The following TAF4 variants were observed in gnomAD, a reference collection of about 807,000 sequenced individuals.
TAF4 encodes transcription initiation factor TFIID subunit 4.
A neutral mutation model predicts 90.3 loss-of-function variants in TAF4; 9 were observed. The ratio of observed to expected loss-of-function variants is 0.10; its 90% confidence interval spans 0.06 to 0.17. The LOEUF (loss-of-function observed/expected upper bound fraction) is 0.17, where lower values mean the gene tolerates loss of function less well. TAF4 is among the 10% of genes least tolerant of loss of function. TAF4 has a pLI of 1.00. For synonymous variants in TAF4, 818 were observed against 638.9 expected (o/e 1.28, Z -4.23); for missense variants, 1,351 against 1,370.7 (o/e 0.99, Z 0.23).
At chr20:62,035,796 C>T (rs1210285045) in intron 1 of TAF4, among the ~76,000 whole-genome samples, 1 of 151,962 alleles carries the variant, frequency 6.6e-6, no homozygotes, top group Non-Finnish European at 1.5e-5. Context: ...AAGATACTGG[C>T]CATATACAGA....
intron 3 of TAF4, 74 bp downstream of exon 3, chr20:62,012,741 C>T (rs1005124724): frequency 6.7e-7 from 1 of 1,484,372 alleles, no homozygotes; most frequent in Non-Finnish European, 8.9e-7. Context: ...ACTCCTAAGG[C>T]CTGATCTCTG....
chr20:62,002,664 A>T lies in TAF4; in HGVS notation c.2486+496T>A, dbSNP rs574434411. On this transcript the variant is annotated intron_variant, in intron 9 of 14. Transcript: ENST00000252996. ...CACCACCAAGCCTGGCTAATTTTTT[A>T]TTTTTTGTTGTTGTTGAGTAAGGTT... Among the ~76,000 whole-genome samples, 5 of 152,078 alleles carry T rather than the reference A, an allele frequency of 3.3e-5. No homozygotes were observed. In the East Asian group the frequency reaches 9.7e-4, roughly 30 times the overall value.
At chr20:62,004,850 A>G (rs1245073315) in intron 7 of TAF4, 1 of 152,352 alleles carries the variant, frequency 6.6e-6, no homozygotes, top group Non-Finnish European at 1.5e-5. Context: ...CAGAGATCCA[A>G]AACCTGGCAG....
chr20:62,024,344 T>C (rs1301645994), intron 1 of TAF4, among the ~76,000 whole-genome samples: 1 of 152,208 alleles, frequency 6.6e-6, no homozygotes, highest in African/African-American at 2.4e-5. Context: ...AGGAGAACAT[T>C]TCTCTGACCC....
Position 62,065,166 on chromosome 20 carries a change from G to C in TAF4, c.645C>G (p.Val215=). ...CGGCGGGCCCGTTGTTGACCAGGCT[G>C]ACAGCAGGTGCGGCGGCGTGGTGCG... The part of the protein sequence containing the change: ...LNSHHAAAPA[V]SLVNNGPAAL... Residue 215 remains valine (V), a synonymous_variant, in exon 1 of 15, where the codon GTC becomes GTG. Coordinates refer to ENST00000252996, the MANE Select transcript of TAF4 (RefSeq NM_003185.4). 9 of 1,215,242 alleles carry C rather than the reference G, an allele frequency of 7.4e-6. No homozygotes were observed. Among genetic ancestry groups the C allele is most frequent in the Non-Finnish European group, 9.5e-6 (9 of 951,556 alleles). 75.3% of individuals were successfully genotyped at this position (1,215,242 alleles called of 1,614,324 possible).
intron 1 of TAF4, among the ~76,000 whole-genome samples, chr20:62,053,444 C>T (rs1022313921): frequency 1.3e-5 from 2 of 152,196 alleles, no homozygotes; most frequent in African/African-American, 2.4e-5. Flanking sequence ...CAGGCAGGAG[C>T]GGCAGGGAAA....
intron 1 of TAF4, among the ~76,000 whole-genome samples, chr20:62,032,494 C>T (rs1186092004): frequency 1.3e-5 from 2 of 152,238 alleles, no homozygotes; most frequent in Admixed American, 6.5e-5. Flanking sequence ...CCACAGGCAG[C>T]GCCTGCTGTC....
At chr20:62,038,484 C>G (rs958683923) in intron 1 of TAF4, among the ~76,000 whole-genome samples, 3 of 151,828 alleles carry the variant, frequency 2.0e-5, no homozygotes, top group African/African-American at 7.3e-5. Context: ...CGCGCCCGGC[C>G]AAAAGCAATT....
At chr20:62,018,340 G>T (rs6061956) in intron 1 of TAF4, among the ~76,000 whole-genome samples, 29,679 of 152,178 alleles carry the variant, frequency 0.2, 3,672 homozygotes, top group East Asian at 0.47. Context: ...GTTTCCGAGA[G>T]GTTCTCACAG....
At chr20:61,998,434 C>T (rs1336551880) in intron 12 of TAF4, among the ~76,000 whole-genome samples, 1 of 152,172 alleles carries the variant, frequency 6.6e-6, no homozygotes, top group East Asian at 1.9e-4. Flanking sequence ...AACACATCTA[C>T]CAATCGCAGG....
chr20:62,029,486 G>GCGCGCA lies in TAF4; in HGVS notation c.1361-14780_1361-14779insTGCGCG, dbSNP rs148456376. On this transcript the variant is annotated intron_variant, in intron 1 of 14. Coordinates refer to ENST00000252996, the MANE Select transcript of TAF4 (RefSeq NM_003185.4). ...GCCCAGTGCCCACGTGCGCGCGCGC[G>GCGCGCA]CACACACACACACACACACACTCAT... Among the ~76,000 whole-genome samples the GCGCGCA allele has an allele frequency of 8.1e-4, 119 of 146,188 alleles. 1 individual carries two copies. The highest frequency in any genetic ancestry group is 3.7e-4 in the Non-Finnish European group (25 of 66,838).
intron 1 of TAF4, among the ~76,000 whole-genome samples, chr20:62,022,323 G>A (rs1259137987): frequency 6.6e-6 from 1 of 152,134 alleles, no homozygotes; most frequent in East Asian, 1.9e-4. Flanking sequence ...CCCTCTGGAA[G>A]GCCCAGAAAA....
Position 62,006,497 on chromosome 20 carries a change from G to C in TAF4, c.2223+13C>G, listed in dbSNP as rs371226254. The C allele has an allele frequency of 6.7e-7, 1 of 1,495,372 alleles. No homozygotes were observed. Among genetic ancestry groups the C allele is most frequent in the South Asian group, 1.3e-5 (1 of 77,354 alleles). 92.6% of individuals were successfully genotyped at this position (1,495,372 alleles called of 1,614,324 possible). A position where few individuals can be genotyped will look rare whatever the true frequency, so the allele number is the denominator to read the frequency against. ...GGTGGGCTGTGCAGACCAGTCAGGC[G>C]CCCCTTCCATACCAGCGGTGTGGGT... On this transcript the variant is annotated intron_variant, in intron 7 of 14. Transcript: ENST00000252996. This position sits in a 1 kb window ranked among gnomAD's most constrained non-coding sequence, Gnocchi z 7.0.
In TAF4 at chr20:62,065,226, C is replaced by A; in HGVS notation, c.585G>T (p.Ala195=). ...GPGKPAGPGA[A]QTLNGSAALL... ...GCGCGGCGCTCCCATTCAAAGTTTG[C>A]GCGGCGCCGGGGCCGGCGGGCTTGC... Residue 195 remains alanine, a synonymous_variant, in exon 1 of 15, where the codon GCG becomes GCT. Coordinates refer to ENST00000252996, the MANE Select transcript of TAF4 (RefSeq NM_003185.4). 8.8e-7 allele frequency: 1 copy of A among 1,132,644 alleles called. No homozygotes were observed. The allele number at this position is 1,132,644 out of a possible 1,614,324, so 70.2% of individuals were successfully genotyped here.
chr20:62,019,303 G>A (rs537319840), intron 1 of TAF4, among the ~76,000 whole-genome samples: 5 of 152,142 alleles, frequency 3.3e-5, no homozygotes, highest in Non-Finnish European at 7.4e-5. Flanking sequence ...CCACCCGCCC[G>A]AGTTCCCTGC....
chr20:62,006,787 AGGC>A lies in TAF4; in HGVS notation c.1975-32_1975-30del, dbSNP rs1394819552. On this transcript the variant is annotated intron_variant, in intron 6 of 14. Coordinates refer to ENST00000252996, the MANE Select transcript of TAF4 (RefSeq NM_003185.4). The surrounding 1 kb of genome is among the most constrained non-coding windows in gnomAD (Gnocchi z 7.0). ...GGTGGAAAGACAGACACGAGGGGTC[AGGC>A]GGCTGCTCATGCGTCGGTTTTCCTT... 13 of 1,446,700 alleles carry A rather than the reference AGGC, an allele frequency of 9.0e-6. No homozygotes were observed. The highest frequency in any genetic ancestry group is 1.2e-5 in the Non-Finnish European group (13 of 1,090,356). The allele number at this position is 1,446,700 out of a possible 1,614,324, so 89.6% of individuals were successfully genotyped here. A position where few individuals can be genotyped will look rare whatever the true frequency, so the allele number is the denominator to read the frequency against.
At chr20:61,990,419 T>C (rs1057219358) in intron 14 of TAF4, among the ~76,000 whole-genome samples, 2 of 152,090 alleles carry the variant, frequency 1.3e-5, no homozygotes, top group Non-Finnish European at 2.9e-5. Flanking sequence ...CTTCCCAAAG[T>C]TCCACATAAA....
intron 1 of TAF4, among the ~76,000 whole-genome samples, chr20:62,047,100 C>T (rs919277167): frequency 2.6e-5 from 4 of 152,188 alleles, no homozygotes; most frequent in Non-Finnish European, 4.4e-5. Context: ...TTAGTTCATG[C>T]TACTTGTATC....
At chr20:62,063,936 T>C (rs896851331) in intron 1 of TAF4, among the ~76,000 whole-genome samples, 1 of 152,212 alleles carries the variant, frequency 6.6e-6, no homozygotes, top group Non-Finnish European at 1.5e-5. Context: ...GCCTGGAGAC[T>C]GAAGAGGCTC....
Sources: gnomAD v4.1 joint callset for allele counts (sites outside exome capture counted in the v4.1 genomes callset) on GRCh38, gnomAD v4.1.1 for gene constraint, Gnocchi (gnomAD v3.1) non-coding constraint, MANE v1.5 for transcripts, NCBI Gene and HGNC (gene_info 2026-07-23, HGNC 2026-07-21) for gene names.